Variants in UBE2E3 observed in about 807,000 individuals in gnomAD.
UBE2E3 encodes ubiquitin conjugating enzyme E2 E3.
Under a neutral mutation model 23.6 loss-of-function variants are expected in UBE2E3, and 5 were observed. That is an observed-to-expected ratio of 0.21 (90% CI 0.11 to 0.44). The LOEUF is 0.44. UBE2E3 is among the 20% of genes least tolerant of loss of function. UBE2E3 has a pLI of 0.99. For missense variants in UBE2E3, 81 were observed against 249.8 expected (o/e 0.32, Z 4.55); for synonymous variants, 78 against 87.5 (o/e 0.89, Z 0.60).
At chr2:181,037,533 TTAAA>T (rs1360767736) in intron 3 of UBE2E3, among the ~76,000 whole-genome samples, 2 of 152,018 alleles carry the variant, frequency 1.3e-5, no homozygotes, top group Admixed American at 1.3e-4. Context: ...GTTTAAAAAA[TTAAA>T]TAAAATAACT....
At chr2:180,988,807 C>T (rs1264369468) in intron 3 of UBE2E3, among the ~76,000 whole-genome samples, 2 of 151,998 alleles carry the variant, frequency 1.3e-5, no homozygotes, top group Non-Finnish European at 2.9e-5. Context: ...AGATAGACTG[C>T]TTTTTCTTCT....
intron 3 of UBE2E3, among the ~76,000 whole-genome samples, chr2:181,024,727 G>A (rs1289528365): frequency 6.6e-6 from 1 of 151,964 alleles, no homozygotes; most frequent in Non-Finnish European, 1.5e-5. Context: ...CTATCCTTGA[G>A]TAATCTATTT....
chr2:180,982,288 G>A, intron 2 of UBE2E3, 52 bp downstream of exon 2: 3 of 1,547,356 alleles, frequency 1.9e-6, no homozygotes, highest in Non-Finnish European at 2.6e-6. Context: ...TCTTCCAGGT[G>A]GTTGGACGCT....
chr2:181,017,643 C>G (rs1418064333), intron 3 of UBE2E3, among the ~76,000 whole-genome samples: 1 of 40,264 alleles, frequency 2.5e-5, no homozygotes, highest in African/African-American at 7.7e-5. Flanking sequence ...TGGACTCTTC[C>G]TTGATCCATT....
chr2:181,008,906 CTTT>C (rs3060037), intron 3 of UBE2E3, among the ~76,000 whole-genome samples: 1,685 of 142,350 alleles, frequency 0.012, 27 homozygotes, highest in African/African-American at 0.038. Flanking sequence ...GCAGTATGTG[CTTT>C]TTTTTTTTTT....
intron 5 of UBE2E3, among the ~76,000 whole-genome samples, chr2:181,062,248 C>T (rs1687179344): frequency 6.6e-6 from 1 of 151,384 alleles, no homozygotes; most frequent in Admixed American, 6.6e-5. Context: ...TGTTTTTAAA[C>T]ATCAAAATAA....
chr2:181,034,590 T>C (rs1397274196), intron 3 of UBE2E3, among the ~76,000 whole-genome samples: 4 of 152,118 alleles, frequency 2.6e-5, no homozygotes, highest in South Asian at 2.1e-4. Flanking sequence ...GACAAGTTAA[T>C]GGGTGCAGCA....
Position 180,988,522 on chromosome 2 carries a change from A to G in UBE2E3, c.245+4429A>G, listed in dbSNP as rs181755142. 1.4e-4 allele frequency among the ~76,000 whole-genome samples: 22 copies of G among 152,282 alleles called. No individual in the cohort carries two copies. The East Asian group carries it at 3.3e-3, about 23-fold the overall frequency. The stretch of plus-strand genomic sequence containing the variant: ...ATAATAAACAATTTTTAGATGAGTA[A>G]TGATTATATTTTCCCCTTTTAAAAT... On this transcript the variant is annotated intron_variant, in intron 3 of 5. Coordinates refer to ENST00000410062, the MANE Select transcript of UBE2E3 (RefSeq NM_006357.4).
intron 3 of UBE2E3, among the ~76,000 whole-genome samples, chr2:181,007,005 T>G (rs1261199252): frequency 6.6e-6 from 1 of 152,220 alleles, no homozygotes; most frequent in Non-Finnish European, 1.5e-5. Flanking sequence ...ACAAATAATT[T>G]AGCTTGAGGC....
At chr2:181,034,208 C>T (rs1686186005) in intron 3 of UBE2E3, among the ~76,000 whole-genome samples, 1 of 152,140 alleles carries the variant, frequency 6.6e-6, no homozygotes, top group Non-Finnish European at 1.5e-5. Context: ...AATCATGCTG[C>T]TATAAAGACA....
intron 3 of UBE2E3, 32 bp downstream of exon 3, chr2:180,984,125 A>G: frequency 6.4e-7 from 1 of 1,571,432 alleles, no homozygotes; most frequent in Non-Finnish European, 8.7e-7. Context: ...TTTGGTTTCA[A>G]ATTGTGGAAA....
intron 3 of UBE2E3, among the ~76,000 whole-genome samples, chr2:181,029,347 A>G (rs1435303363): frequency 6.6e-6 from 1 of 152,134 alleles, no homozygotes; most frequent in Non-Finnish European, 1.5e-5. Context: ...TTGTGGTTTT[A>G]ATTAGAATTT....
chr2:180,981,524 G>A (rs1166512424), intron 1 of UBE2E3: 1 of 152,590 alleles, frequency 6.6e-6, no homozygotes, highest in African/African-American at 2.4e-5. Flanking sequence ...AAGGCTTTAC[G>A]TGCACTGAGG....
chr2:181,061,873 A>G (rs922663381), intron 5 of UBE2E3, among the ~76,000 whole-genome samples: 7 of 151,478 alleles, frequency 4.6e-5, no homozygotes, highest in African/African-American at 1.7e-4. Flanking sequence ...TACATATGCA[A>G]TAGATAGTGA....
At chr2:181,039,829 A>T (rs1004418128) in intron 3 of UBE2E3, among the ~76,000 whole-genome samples, 1 of 152,228 alleles carries the variant, frequency 6.6e-6, no homozygotes, top group South Asian at 2.1e-4. Flanking sequence ...CAAGTTCCTT[A>T]TATAAAATGG....
intron 3 of UBE2E3, among the ~76,000 whole-genome samples, chr2:181,056,554 A>G (rs750035907): frequency 5.3e-5 from 8 of 151,796 alleles, no homozygotes; most frequent in Non-Finnish European, 1.2e-4. Flanking sequence ...GAACTAATTC[A>G]TTCTTGCTAG....
Position 181,054,867 on chromosome 2 carries a change from C to G in UBE2E3, c.246-2826C>G, listed in dbSNP as rs527503704. Among the ~76,000 whole-genome samples, 3 of 151,706 alleles carry G rather than the reference C, an allele frequency of 2.0e-5. No individual in the cohort carries two copies. The East Asian group carries it at 5.8e-4, about 30-fold the overall frequency. Reference sequence around the variant, plus strand: ...TCTGGAGGACTGGTGATATTTAAAGCTTAGGGTGATAAGGAATAGGAATAG... The same window carrying G: ...TCTGGAGGACTGGTGATATTTAAAGGTTAGGGTGATAAGGAATAGGAATAG... On this transcript the variant is annotated intron_variant, in intron 3 of 5. Transcript: ENST00000410062.
rs201327764 is a variant in UBE2E3, at chr2:181,060,761, A to G, written c.475A>G (p.Ile159Val). The part of the protein sequence containing the change: ...LKDNWSPALT[I>V]SKVLLSICSL... ...AGACAACTGGAGTCCCGCTTTGACT[A>G]TTTCAAAGGTTTTGCTGTCTATTTG... The change falls in exon 5 of 6, where the codon ATT becomes GTT. Residue 159 changes from isoleucine to valine, a missense_variant. Physicochemically the swap from Ile to Val is conservative, Grantham distance 29. Transcript: ENST00000410062. 2.0e-5 allele frequency: 32 copies of G among 1,609,112 alleles called. No homozygotes were observed. Among genetic ancestry groups the G allele is most frequent in the Non-Finnish European group, 2.4e-5 (28 of 1,177,694 alleles).
chr2:181,038,639 G>A (rs944852696), intron 3 of UBE2E3, among the ~76,000 whole-genome samples: 3 of 152,170 alleles, frequency 2.0e-5, no homozygotes, highest in Admixed American at 6.5e-5. Context: ...CTGTTGAGAA[G>A]ATGAAAAGGC....
Sources: allele counts gnomAD v4.1 joint callset (sites outside exome capture counted in the v4.1 genomes callset), GRCh38; gene constraint gnomAD v4.1.1; transcripts MANE v1.5; gene names NCBI Gene and HGNC (gene_info 2026-07-23, HGNC 2026-07-21).